Variants in IMMP2L observed in about 807,000 individuals in gnomAD.
The protein encoded by IMMP2L is mitochondrial inner membrane protease subunit 2.
A neutral mutation model predicts 19.3 loss-of-function variants in IMMP2L; 18 were observed. The observed-to-expected ratio is 0.93, with a 90% confidence interval of 0.64 to 1.38. The LOEUF (loss-of-function observed/expected upper bound fraction) is 1.38. Among genes scored for constraint, IMMP2L ranks in the 40% most tolerant of loss-of-function variants. The pLI is 0.00. For missense variants in IMMP2L, 233 were observed against 218.2 expected (o/e 1.07, Z -0.43); for synonymous variants, 76 against 73.0 (o/e 1.04, Z -0.21).
chr7:111,122,896 A>G, intron 3 of IMMP2L: 1 of 1,614,066 alleles, frequency 6.2e-7, no homozygotes, highest in Non-Finnish European at 8.5e-7. Flanking sequence ...GCCTTGGTTT[A>G]CACCCAGATC....
chr7:111,016,870 C>CATATAAT (rs1825724597), intron 3 of IMMP2L, among the ~76,000 whole-genome samples: 2 of 75,404 alleles, frequency 2.7e-5, no homozygotes, highest in Non-Finnish European at 4.5e-5. Flanking sequence ...TAATATATTA[C>CATATAAT]ATATAATATA....
At chr7:110,907,005 C>A (rs1243650354) in intron 4 of IMMP2L, among the ~76,000 whole-genome samples, 1 of 151,810 alleles carries the variant, frequency 6.6e-6, no homozygotes, top group Non-Finnish European at 1.5e-5. Context: ...TGGGTGCCAG[C>A]AGGAGCAAAA....
intron 4 of IMMP2L, among the ~76,000 whole-genome samples, chr7:110,958,294 CAAT>C (rs753232961): frequency 6.6e-6 from 1 of 151,960 alleles, no homozygotes; most frequent in Non-Finnish European, 1.5e-5. Context: ...ACAATAACAA[CAAT>C]AACAAACTTG....
chr7:111,037,806 G>A (rs1318098978), intron 3 of IMMP2L, among the ~76,000 whole-genome samples: 1 of 152,076 alleles, frequency 6.6e-6, no homozygotes, highest in African/African-American at 2.4e-5. Flanking sequence ...CTAATAAAAG[G>A]CATAATGAAA....
rs916017767 is a variant in IMMP2L, at chr7:111,243,117, T to A, written c.239+244121A>T. Among the ~76,000 whole-genome samples, 10 of 151,894 alleles carry A rather than the reference T, an allele frequency of 6.6e-5. No individual in the cohort carries two copies. In the South Asian group the frequency reaches 8.3e-4, roughly 13 times the overall value. ...TATTATTTTTATGCCAACTAAAGAG[T>A]AGTTGTTTTGAGAAGAAACAACAGG... On this transcript the variant is annotated intron_variant, in intron 3 of 5. Transcript: ENST00000405709.
intron 3 of IMMP2L, among the ~76,000 whole-genome samples, chr7:111,051,208 C>A (rs972725921): frequency 1.8e-4 from 27 of 152,138 alleles, no homozygotes; most frequent in African/African-American, 6.3e-4. Context: ...AGTCCAAAAT[C>A]AAAGGCAAAG....
At chr7:111,027,600 T>C (rs1440359725) in intron 3 of IMMP2L, among the ~76,000 whole-genome samples, 1 of 152,004 alleles carries the variant, frequency 6.6e-6, no homozygotes, top group Non-Finnish European at 1.5e-5. Context: ...GAGGGGATTC[T>C]GGAGGTACAC....
At chr7:111,398,425 C>T (rs572312876) in intron 3 of IMMP2L, among the ~76,000 whole-genome samples, 12 of 152,132 alleles carry the variant, frequency 7.9e-5, no homozygotes, top group South Asian at 2.1e-4. Flanking sequence ...ATCCAGCATC[C>T]GTTTATGATT....
At chr7:110,907,063 T>A (rs535299571) in intron 4 of IMMP2L, among the ~76,000 whole-genome samples, 1 of 147,676 alleles carries the variant, frequency 6.8e-6, no homozygotes, top group East Asian at 2.2e-4. Context: ...GTGGGGGGGA[T>A]GGGGGTTGGG....
chr7:110,989,516 G>A (rs1484575001), intron 3 of IMMP2L, among the ~76,000 whole-genome samples: 2 of 130,376 alleles, frequency 1.5e-5, no homozygotes, highest in East Asian at 4.4e-4. Context: ...GGCAACAGAA[G>A]AAGACTCTGT....
chr7:111,386,698 C>T (rs1172095023), intron 3 of IMMP2L, among the ~76,000 whole-genome samples: 1 of 152,114 alleles, frequency 6.6e-6, no homozygotes, highest in African/African-American at 2.4e-5. Context: ...GCCTTCACTC[C>T]CCTTCCCTGT....
chr7:111,486,846 CA>C (rs1387556055), intron 3 of IMMP2L, among the ~76,000 whole-genome samples: 1 of 152,086 alleles, frequency 6.6e-6, no homozygotes, highest in African/African-American at 2.4e-5. Context: ...CAATGATTTT[CA>C]TGTCATAATT....
At chr7:111,407,192 T>C (rs946749612) in intron 3 of IMMP2L, among the ~76,000 whole-genome samples, 11 of 152,030 alleles carry the variant, frequency 7.2e-5, no homozygotes, top group African/African-American at 2.7e-4. Context: ...AGAACCCTCA[T>C]ACACTGCTCA....
intron 5 of IMMP2L, among the ~76,000 whole-genome samples, chr7:110,795,306 T>C (rs568140458): frequency 1.8e-4 from 27 of 152,200 alleles, no homozygotes; most frequent in African/African-American, 6.5e-4. Flanking sequence ...GTCACATGAT[T>C]ACAGATTCTC....
chr7:110,786,961 G>C (rs1584825415), intron 5 of IMMP2L, among the ~76,000 whole-genome samples: 2 of 151,982 alleles, frequency 1.3e-5, no homozygotes, highest in East Asian at 3.9e-4. Context: ...AAGAAACTTG[G>C]GATACATAGC....
chr7:111,015,506 A>T (rs1825407416), intron 3 of IMMP2L, among the ~76,000 whole-genome samples: 1 of 152,152 alleles, frequency 6.6e-6, no homozygotes, highest in African/African-American at 2.4e-5. Flanking sequence ...TATACTTAAC[A>T]CTACTAAAAA....
At chr7:111,158,554 A>G (rs918945329) in intron 3 of IMMP2L, among the ~76,000 whole-genome samples, 1 of 152,158 alleles carries the variant, frequency 6.6e-6, no homozygotes, top group African/African-American at 2.4e-5. Context: ...TTTCATCCAA[A>G]ACTCTAGTTT....
chr7:111,230,123 A>T (rs1331227168), intron 3 of IMMP2L, among the ~76,000 whole-genome samples: 1 of 152,038 alleles, frequency 6.6e-6, no homozygotes, highest in East Asian at 1.9e-4. Flanking sequence ...TGCTGGGGTG[A>T]CAGGGTCTTT....
chr7:110,803,309 C>G lies in IMMP2L; in HGVS notation c.408+83284G>C, dbSNP rs906896770. 6.6e-6 allele frequency among the ~76,000 whole-genome samples: 1 copy of G among 152,016 alleles called. No homozygotes were observed. Among genetic ancestry groups the G allele is most frequent in the African/African-American group, 2.4e-5 (1 of 41,406 alleles). On this transcript the variant is annotated intron_variant, in intron 5 of 5. Coordinates refer to ENST00000405709, the MANE Select transcript of IMMP2L (RefSeq NM_032549.4). This position sits in a 1 kb window ranked among gnomAD's most constrained non-coding sequence, Gnocchi z 4.2. ...AGGTATGAGTTGCAGAGCTTAGAGA[C>G]AGCCAGTTGATGTCCACTTTGAATA...
Sources: allele counts gnomAD v4.1 joint callset (sites outside exome capture counted in the v4.1 genomes callset), GRCh38; gene constraint gnomAD v4.1.1; non-coding constraint Gnocchi (gnomAD v3.1); transcripts MANE v1.5; gene names NCBI Gene and HGNC (gene_info 2026-07-23, HGNC 2026-07-21).